ASAP2: variants seen among roughly 807,000 people sequenced by gnomAD.
ASAP2 encodes ArfGAP with SH3 domain, ankyrin repeat and PH domain 2.
ASAP2 carries 45 observed loss-of-function variants against 131.4 expected under a neutral mutation model. The observed-to-expected ratio is 0.34, with a 90% confidence interval of 0.27 to 0.44. The LOEUF is 0.44. Ranked by LOEUF, ASAP2 falls within the 20% of genes least tolerant of loss-of-function variation. The probability of loss-of-function intolerance (pLI) is 1.00; values close to 1 mark genes in which losing one functional copy is unlikely to be tolerated. For missense variants in ASAP2, 1,011 were observed against 1,297.0 expected, an observed-to-expected ratio of 0.78 and a Z score of 3.39; for synonymous variants, 510 against 503.0, an observed-to-expected ratio of 1.01 and a Z score of -0.19.
intron 22 of ASAP2, among the ~76,000 whole-genome samples, chr2:9,390,574 A>G (rs56070465): frequency 0.082 from 12,438 of 152,112 alleles, 1,608 homozygotes; most frequent in African/African-American, 0.28. Context: ...GGAGGGAGGG[A>G]GAGAGAGCCC....
intron 2 of ASAP2, among the ~76,000 whole-genome samples, chr2:9,286,437 G>C (rs955930079): frequency 1.6e-5 from 2 of 128,868 alleles, no homozygotes; most frequent in African/African-American, 3.0e-5. Flanking sequence ...TTTAAAAAAG[G>C]AAAAAAAAAA....
chr2:9,209,319 G>A (rs1661368205), intron 1 of ASAP2, among the ~76,000 whole-genome samples: 1 of 152,094 alleles, frequency 6.6e-6, no homozygotes, highest in African/African-American at 2.4e-5. Flanking sequence ...AAATCAATGT[G>A]GATTTCTTTA....
intron 9 of ASAP2, among the ~76,000 whole-genome samples, chr2:9,338,761 A>G (rs11674019): frequency 0.076 from 11,568 of 152,266 alleles, 1,272 homozygotes; most frequent in African/African-American, 0.24. Context: ...GGTGCAGTGT[A>G]ATGAGAGCAC....
rs369819965 is a variant in ASAP2, at chr2:9,271,717, G to C, written c.127-7600G>C. On this transcript the variant is annotated intron_variant, in intron 1 of 27. Coordinates refer to ENST00000281419, the MANE Select transcript of ASAP2 (RefSeq NM_003887.3). ...AAGTAGGGAAGCGACGGGGCCCAAG[G>C]GGGAGGCTGCTGAGTCCTCGGCAGT... 101 of 462,324 alleles carry C rather than the reference G, an allele frequency of 2.2e-4. 1 individual carries two copies. Among genetic ancestry groups the C allele is most frequent in the East Asian group, 1.9e-3 (57 of 30,018 alleles). The allele number at this position is 462,324 out of a possible 1,614,324, so 28.6% of individuals were successfully genotyped here.
At chr2:9,397,941 G>A (rs1572638830) in intron 24 of ASAP2, among the ~76,000 whole-genome samples, 1 of 150,468 alleles carries the variant, frequency 6.6e-6, no homozygotes, top group East Asian at 2.0e-4. Context: ...TGTATTTTTA[G>A]TAGAGATGAG....
intron 1 of ASAP2, among the ~76,000 whole-genome samples, chr2:9,269,150 T>C (rs1472780466): frequency 1.3e-5 from 2 of 151,994 alleles, no homozygotes; most frequent in East Asian, 3.9e-4. Flanking sequence ...GTGATAAATA[T>C]CTACAAATTT....
In ASAP2 at chr2:9,268,484, A is replaced by AG. The variant is rs1666095481; in HGVS notation, c.127-10827dup. 6.6e-6 allele frequency among the ~76,000 whole-genome samples: 1 copy of AG among 152,132 alleles called. No homozygotes were observed. The highest frequency in any genetic ancestry group is 1.5e-5 in the Non-Finnish European group (1 of 68,014). The stretch of plus-strand genomic sequence containing the variant: ...CTTCAGGCCTGGCTTTATTCCCACA[A>AG]GGGGGGAGGTTCGTTATTGCTCTGG... On this transcript the variant is annotated intron_variant, in intron 1 of 27. Transcript: ENST00000281419. The surrounding 1 kb of genome is among the most constrained non-coding windows in gnomAD (Gnocchi z 4.1).
At chr2:9,242,925 A>G (rs1193175723) in intron 1 of ASAP2, among the ~76,000 whole-genome samples, 1 of 152,144 alleles carries the variant, frequency 6.6e-6, no homozygotes, top group East Asian at 1.9e-4. Flanking sequence ...GCCCAGTAAC[A>G]ACAAATTTTT....
intron 2 of ASAP2, among the ~76,000 whole-genome samples, chr2:9,297,070 G>A (rs919492346): frequency 2.0e-5 from 3 of 152,180 alleles, no homozygotes; most frequent in Non-Finnish European, 4.4e-5. Context: ...ACCACTGGAC[G>A]TGGGCAAGGG....
chr2:9,401,816 G>A (rs1437291127), intron 27 of ASAP2, among the ~76,000 whole-genome samples: 1 of 152,236 alleles, frequency 6.6e-6, no homozygotes, highest in Non-Finnish European at 1.5e-5. Flanking sequence ...GCAGGGTGTG[G>A]GAGCAAGATG....
intron 7 of ASAP2, among the ~76,000 whole-genome samples, chr2:9,328,290 T>C (rs1670605732): frequency 6.6e-6 from 1 of 152,240 alleles, no homozygotes; most frequent in African/African-American, 2.4e-5. Context: ...TGCACAACTT[T>C]GTGAATTTAC....
intron 3 of ASAP2, among the ~76,000 whole-genome samples, chr2:9,308,315 G>A (rs114618992): frequency 0.025 from 3,803 of 152,212 alleles, 71 homozygotes; most frequent in Middle Eastern, 0.041. Context: ...AATGAGGCGG[G>A]AGGTGCCACA....
At chr2:9,327,650 T>C (rs1240409616) in intron 6 of ASAP2, among the ~76,000 whole-genome samples, 176 bp from the exon 7 acceptor site, 1 of 152,152 alleles carries the variant, frequency 6.6e-6, no homozygotes, top group Non-Finnish European at 1.5e-5. Context: ...ATAATTCATA[T>C]GGCCCCAAAA....
chr2:9,388,580 A>G, intron 22 of ASAP2, 34 bp downstream of exon 22: 1 of 1,594,858 alleles, frequency 6.3e-7, no homozygotes, highest in African/African-American at 1.4e-5. Flanking sequence ...GTGAATATAT[A>G]GAGGGTCTTG....
intron 3 of ASAP2, among the ~76,000 whole-genome samples, chr2:9,317,360 T>C (rs1669795604): frequency 7.4e-6 from 1 of 135,118 alleles, no homozygotes; most frequent in African/African-American, 2.8e-5. Context: ...CACACAATCA[T>C]TCACATTCAC....
chr2:9,276,539 C>G (rs776197800), intron 1 of ASAP2, among the ~76,000 whole-genome samples: 8 of 151,852 alleles, frequency 5.3e-5, no homozygotes, highest in African/African-American at 9.7e-5. Flanking sequence ...TCTTTTTTTT[C>G]TCTTTTTTTT....
At chr2:9,304,939 T>C in intron 3 of ASAP2, among the ~76,000 whole-genome samples, 1 of 147,000 alleles carries the variant, frequency 6.8e-6, no homozygotes. Flanking sequence ...AGTAGTGAGG[T>C]ATAGATATTG....
At chr2:9,228,170 A>T (rs1662912111) in intron 1 of ASAP2, among the ~76,000 whole-genome samples, 4 of 152,214 alleles carry the variant, frequency 2.6e-5, no homozygotes, top group Admixed American at 2.6e-4. Flanking sequence ...GTTGATAGGG[A>T]CATACTCTTT....
intron 1 of ASAP2, among the ~76,000 whole-genome samples, chr2:9,242,599 C>T (rs1040450713): frequency 2.0e-5 from 3 of 152,194 alleles, no homozygotes; most frequent in Admixed American, 2.0e-4. Flanking sequence ...CCTGAAACTG[C>T]TGGGGCTGAT....
Sources: allele counts gnomAD v4.1 joint callset (sites outside exome capture counted in the v4.1 genomes callset), GRCh38; gene constraint gnomAD v4.1.1; non-coding constraint Gnocchi (gnomAD v3.1); transcripts MANE v1.5; gene names NCBI Gene and HGNC (gene_info 2026-07-23, HGNC 2026-07-21).